The following RAB11FIP3 variants were observed in gnomAD, a reference collection of about 807,000 sequenced individuals.
RAB11FIP3 encodes the protein RAB11 family interacting protein 3.
In RAB11FIP3, 17 loss-of-function variants were observed where a neutral mutation model predicts 77.8. That is an observed-to-expected ratio of 0.22 (90% CI 0.15 to 0.33). The LOEUF is 0.33. RAB11FIP3 is among the 10% of genes least tolerant of loss of function. The probability of loss-of-function intolerance (pLI) is 1.00; values close to 1 mark genes in which losing one functional copy is unlikely to be tolerated. For missense variants in RAB11FIP3, 1,005 were observed against 1,011.2 expected (o/e 0.99, Z 0.08); for synonymous variants, 437 against 448.2 (o/e 0.98, Z 0.31).
intron 1 of RAB11FIP3, among the ~76,000 whole-genome samples, chr16:443,773 C>G (rs1000141280): frequency 2.0e-5 from 3 of 152,170 alleles, no homozygotes. Context: ...ACCATGTTAG[C>G]CAGGATGATC....
At chr16:501,381 C>T (rs561076838) in intron 6 of RAB11FIP3, among the ~76,000 whole-genome samples, 5 of 111,398 alleles carry the variant, frequency 4.5e-5, no homozygotes, top group African/African-American at 1.4e-4. Flanking sequence ...CAAGGAAGCT[C>T]GGAGAGGGTC....
intron 2 of RAB11FIP3, among the ~76,000 whole-genome samples, chr16:462,370 C>T (rs1215781431): frequency 6.6e-6 from 1 of 152,186 alleles, no homozygotes; most frequent in Admixed American, 6.5e-5. Flanking sequence ...CCACCATGCT[C>T]ACCTCTACTA....
At chr16:427,418 G>T (rs532017062) in intron 1 of RAB11FIP3, among the ~76,000 whole-genome samples, 4 of 152,232 alleles carry the variant, frequency 2.6e-5, no homozygotes, top group Non-Finnish European at 5.9e-5. Flanking sequence ...GAGGTGAAAT[G>T]CGTGGACAGG....
intron 9 of RAB11FIP3, among the ~76,000 whole-genome samples, chr16:518,515 A>T (rs2032520641): frequency 6.7e-6 from 1 of 150,002 alleles, no homozygotes; most frequent in South Asian, 2.1e-4. Flanking sequence ...TCATGAGGTC[A>T]GGAGTTCGAG....
chr16:472,289 C>T lies in RAB11FIP3; in HGVS notation c.903+900C>T, dbSNP rs1482290846. Among the ~76,000 whole-genome samples the T allele has an allele frequency of 1.3e-5, 2 of 152,232 alleles. No individual in the cohort carries two copies. Among genetic ancestry groups the T allele is most frequent in the African/African-American group, 2.4e-5 (1 of 41,474 alleles). ...CCTTGGGTGGGCAGCTTAACTTCTG[C>T]CCACACAGACCCTGGGGGTGGTTCT... On this transcript the variant is annotated intron_variant, in intron 3 of 13. Coordinates refer to ENST00000262305, the MANE Select transcript of RAB11FIP3 (RefSeq NM_014700.4). The surrounding 1 kb of genome is among the most constrained non-coding windows in gnomAD (Gnocchi z 4.1).
intron 5 of RAB11FIP3, among the ~76,000 whole-genome samples, chr16:492,067 A>G (rs928312680): frequency 2.0e-5 from 3 of 152,164 alleles, no homozygotes; most frequent in African/African-American, 7.2e-5. Flanking sequence ...GAAACTGCTT[A>G]CCTGTCTTGA....
intron 1 of RAB11FIP3, among the ~76,000 whole-genome samples, chr16:432,453 C>A (rs1237895431): frequency 6.6e-6 from 1 of 151,810 alleles, no homozygotes; most frequent in African/African-American, 2.4e-5. Flanking sequence ...CCCTTGTAAT[C>A]CCCCCATCCA....
At chr16:516,157 C>T (rs1018838499) in intron 9 of RAB11FIP3, among the ~76,000 whole-genome samples, 1 of 152,346 alleles carries the variant, frequency 6.6e-6, no homozygotes, top group East Asian at 1.9e-4. Flanking sequence ...GAGCAAGTCC[C>T]CTCCTGGGTA....
intron 8 of RAB11FIP3, among the ~76,000 whole-genome samples, chr16:509,265 T>G (rs1339724543): frequency 6.6e-6 from 1 of 152,270 alleles, no homozygotes; most frequent in Non-Finnish European, 1.5e-5. Context: ...GTTGTTTGTC[T>G]CTTCTGCAGC....
In RAB11FIP3 at chr16:484,860, C is replaced by T. The variant is rs953419235; in HGVS notation, c.1115+2124C>T. 2.6e-5 allele frequency among the ~76,000 whole-genome samples: 4 copies of T among 152,270 alleles called. No individual in the cohort carries two copies. In the South Asian group the frequency reaches 6.2e-4, roughly 24 times the overall value. On this transcript the variant is annotated intron_variant, in intron 4 of 13. Transcript: ENST00000262305. The stretch of plus-strand genomic sequence containing the variant: ...AGCAGGATGGTCATCGGGAGCACGT[C>T]CCTTCAGCCTTGCAAGTTCCTGCAG...
intron 5 of RAB11FIP3, among the ~76,000 whole-genome samples, chr16:492,142 GC>G (rs1224221507): frequency 2.0e-5 from 3 of 152,220 alleles, no homozygotes; most frequent in Non-Finnish European, 4.4e-5. Context: ...GGCGCTCACT[GC>G]CCACGGCCTT....
At chr16:490,901 A>G (rs2030119674) in intron 5 of RAB11FIP3, among the ~76,000 whole-genome samples, 1 of 152,150 alleles carries the variant, frequency 6.6e-6, no homozygotes, top group South Asian at 2.1e-4. Flanking sequence ...AGGTGTGTGC[A>G]GGGCCCCCTG....
At chr16:491,749 C>G (rs1029835203) in intron 5 of RAB11FIP3, among the ~76,000 whole-genome samples, 1 of 152,210 alleles carries the variant, frequency 6.6e-6, no homozygotes, top group Admixed American at 6.5e-5. Context: ...ATGTCTAACT[C>G]CCAGTTACAG....
intron 5 of RAB11FIP3, among the ~76,000 whole-genome samples, chr16:492,259 G>C (rs1037719431): frequency 1.3e-5 from 2 of 151,934 alleles, no homozygotes; most frequent in African/African-American, 4.8e-5. Context: ...TGCCCATTCA[G>C]GTGGAGAGGA....
chr16:514,561 G>A lies in RAB11FIP3; in HGVS notation c.1640+3761G>A, dbSNP rs1448995414. 6.6e-6 allele frequency among the ~76,000 whole-genome samples: 1 copy of A among 152,216 alleles called. No homozygotes were observed. Among genetic ancestry groups the A allele is most frequent in the African/African-American group, 2.4e-5 (1 of 41,450 alleles). ...GAGAAGATGGAGGAGTGGAGAGGCTGGAGCTTTGGACATCCTTGTTTAGGG... is the reference window on the plus strand; with the variant it reads ...GAGAAGATGGAGGAGTGGAGAGGCTAGAGCTTTGGACATCCTTGTTTAGGG... On this transcript the variant is annotated intron_variant, in intron 9 of 13. Transcript: ENST00000262305. The surrounding 1 kb of genome is among the most constrained non-coding windows in gnomAD (Gnocchi z 4.6).
chr16:509,759 C>A (rs1310214619), intron 8 of RAB11FIP3, among the ~76,000 whole-genome samples: 2 of 152,200 alleles, frequency 1.3e-5, no homozygotes, highest in Non-Finnish European at 2.9e-5. Context: ...GGCCCCCCCC[C>A]CACTTGTGGC....
rs555561692 is a variant in RAB11FIP3 at position 500,769 on chromosome 16, C to T, written c.1302-2235C>T. Among the ~76,000 whole-genome samples the T allele has an allele frequency of 2.3e-3, 352 of 151,392 alleles. 6 individuals are homozygous for T. Among genetic ancestry groups the T allele is most frequent in the African/African-American group, 8.2e-3 (338 of 41,160 alleles). On this transcript the variant is annotated intron_variant, in intron 6 of 13. Transcript: ENST00000262305. ...CATGACCCATGCTGAGGACCCTCTG[C>T]CTCACGTTGGTGGCCACGTGTGGTG...
intron 4 of RAB11FIP3, among the ~76,000 whole-genome samples, chr16:484,617 T>A (rs1389579214): frequency 6.6e-6 from 1 of 152,210 alleles, no homozygotes; most frequent in Non-Finnish European, 1.5e-5. Context: ...CCTCCCGAAG[T>A]GCTGGGATGA....
intron 8 of RAB11FIP3, among the ~76,000 whole-genome samples, chr16:510,020 A>G (rs1224940629): frequency 6.6e-6 from 1 of 151,752 alleles, no homozygotes; most frequent in Non-Finnish European, 1.5e-5. Context: ...TGGCACCTCC[A>G]CGCCCCGTCC....
Sources: gnomAD v4.1 joint callset for allele counts (sites outside exome capture counted in the v4.1 genomes callset) on GRCh38, gnomAD v4.1.1 for gene constraint, Gnocchi (gnomAD v3.1) non-coding constraint, MANE v1.5 for transcripts, NCBI Gene and HGNC (gene_info 2026-07-23, HGNC 2026-07-21) for gene names.